The following CCR6 variants were observed in gnomAD, a reference collection of about 807,000 sequenced individuals.
CCR6 encodes the protein C-C chemokine receptor type 6.
CCR6 carries 2 observed loss-of-function variants against 3.0 expected under a neutral mutation model. That is an observed-to-expected ratio of 0.66 (90% CI 0.27 to 2.07). The LOEUF (loss-of-function observed/expected upper bound fraction) is 2.07. CCR6 is among the 30% of genes most tolerant of loss of function. CCR6 has a pLI of 0.14. For missense variants in CCR6, 322 were observed against 462.8 expected (o/e 0.70, Z 2.79); for synonymous variants, 193 against 184.3 (o/e 1.05, Z -0.38).
chr6:167,120,235 G>A (rs1367490365), upstream of CCR6, among the ~76,000 whole-genome samples: 1 of 152,142 alleles, frequency 6.6e-6, no homozygotes, highest in East Asian at 1.9e-4. Flanking sequence ...CGATTGGGCT[G>A]GGGGACTCCC....
Position 167,136,205 on chromosome 6 carries a change from C to T in CCR6, c.10-35C>T, listed in dbSNP as rs372109980. The T allele has an allele frequency of 6.2e-7, 1 of 1,610,372 alleles. No individual in the cohort carries two copies. The highest frequency in any genetic ancestry group is 1.3e-5 in the African/African-American group (1 of 74,928). On this transcript the variant is annotated intron_variant, in intron 2 of 2. Transcript: ENST00000341935. This position sits in a 1 kb window ranked among gnomAD's most constrained non-coding sequence, Gnocchi z 4.6. Reference sequence around the variant, plus strand: ...GTTCACTGTGGCTACTTGAACACTACACTGCAGCTAACTCTATCTTTGTTT... The same window carrying T: ...GTTCACTGTGGCTACTTGAACACTATACTGCAGCTAACTCTATCTTTGTTT...
chr6:167,134,300 G>A (rs995436632), intron 1 of CCR6, among the ~76,000 whole-genome samples: 1 of 152,132 alleles, frequency 6.6e-6, no homozygotes, highest in South Asian at 2.1e-4. Context: ...CGATTACCTC[G>A]TCACATGCTT....
intron 1 of CCR6, chr6:167,131,557 T>TC (rs1781767147): frequency 6.5e-6 from 1 of 152,748 alleles, no homozygotes; most frequent in African/African-American, 2.4e-5. Context: ...CAGCGACCGC[T>TC]CCCCACAGCC....
intron 1 of CCR6, among the ~76,000 whole-genome samples, chr6:167,133,932 G>GTGTATCTATATATATATATA (rs1183741225): frequency 9.1e-6 from 1 of 110,340 alleles, no homozygotes; most frequent in Non-Finnish European, 1.7e-5. Flanking sequence ...ATATATGTGT[G>GTGTATCTATATATATATATA]TATATATATA....
chr6:167,128,079 G>T (rs189713637), intron 1 of CCR6, among the ~76,000 whole-genome samples: 1 of 152,118 alleles, frequency 6.6e-6, no homozygotes, highest in African/African-American at 2.4e-5. Context: ...TTCTTCTCCC[G>T]TCTCCAGGGA....
intron 1 of CCR6, among the ~76,000 whole-genome samples, chr6:167,127,650 A>G (rs185401075): frequency 2.6e-5 from 4 of 152,322 alleles, no homozygotes; most frequent in East Asian, 1.9e-4. Context: ...CCTAATGTCA[A>G]ACTTTACTAA....
At position 167,136,435 on chromosome 6, in the gene CCR6, A is replaced by G; in HGVS notation, c.205A>G (p.Ile69Val). Residue 69 changes from isoleucine to valine, a missense_variant, in exon 3 of 3, where the codon ATC becomes GTC. By Grantham distance (29) the Ile-to-Val change is conservative. Transcript: ENST00000341935. This position sits in a 1 kb window ranked among gnomAD's most constrained non-coding sequence, Gnocchi z 4.6. The stretch of plus-strand genomic sequence containing the variant: ...CCTCCTGGGGAATATTCTGGTGGTG[A>G]TCACCTTTGCTTTTTATAAGAAGGC... ...FGLLGNILVV[I>V]TFAFYKKARS... is the part of the protein sequence containing the mutation. The G allele has an allele frequency of 6.2e-7, 1 of 1,611,780 alleles. No homozygotes were observed. Among genetic ancestry groups the G allele is most frequent in the Non-Finnish European group, 8.5e-7 (1 of 1,179,156 alleles).
intron 1 of CCR6, among the ~76,000 whole-genome samples, chr6:167,123,446 C>T (rs1781618309): frequency 6.6e-6 from 1 of 152,146 alleles, no homozygotes; most frequent in Admixed American, 6.5e-5. Flanking sequence ...ATTTCATACT[C>T]GCTCCCTGCA....
At chr6:167,135,916 G>A (rs1212048197) in intron 1 of CCR6, 122 bp from the exon 2 acceptor site, 2 of 530,604 alleles carry the variant, frequency 3.8e-6, no homozygotes, top group Non-Finnish European at 6.6e-6. Flanking sequence ...ATGAATATTT[G>A]TATGTAAAAT....
chr6:167,137,516 T>G lies in CCR6; in HGVS notation c.*161T>G. The G allele has an allele frequency of 1.5e-6, 1 of 662,806 alleles. No homozygotes were observed. 41.1% of individuals were successfully genotyped at this position (662,806 alleles called of 1,614,324 possible). ...ACGTGCTCATGGGCTGTGTGATCTC[T>G]TCAGGGTGGGGTGGTCTCTGATAGG... On this transcript the variant is annotated 3_prime_UTR_variant, in exon 3 of 3. Transcript: ENST00000341935. The surrounding 1 kb of genome is among the most constrained non-coding windows in gnomAD (Gnocchi z 4.6).
At chr6:167,120,644 T>C (rs1451102115), upstream of CCR6, among the ~76,000 whole-genome samples, 5 of 152,222 alleles carry the variant, frequency 3.3e-5, no homozygotes, top group Admixed American at 2.0e-4. Context: ...CTTATGACTG[T>C]TATCTGAATT....
At chr6:167,133,874 C>T (rs1781805598) in intron 1 of CCR6, among the ~76,000 whole-genome samples, 1 of 136,648 alleles carries the variant, frequency 7.3e-6, no homozygotes, top group Non-Finnish European at 1.6e-5. Context: ...AAGTATTTTA[C>T]ATTTTATGAT....
At chr6:167,117,124 G>C (rs1053272356) in intron 1 of CCR6, 2 of 152,268 alleles carry the variant, frequency 1.3e-5, no homozygotes, top group South Asian at 2.1e-4. Context: ...CAGAGTTCAG[G>C]GTGCTTAGAT....
At chr6:167,123,437 T>C (rs1319968313) in intron 1 of CCR6, among the ~76,000 whole-genome samples, 1 of 152,214 alleles carries the variant, frequency 6.6e-6, no homozygotes, top group African/African-American at 2.4e-5. Context: ...TAGTAAGGGA[T>C]TTCATACTCG....
At chr6:167,132,018 C>T (rs549975905) in intron 1 of CCR6, among the ~76,000 whole-genome samples, 15 of 152,258 alleles carry the variant, frequency 9.9e-5, no homozygotes, top group African/African-American at 3.1e-4. Context: ...GATGACAATC[C>T]CTGATTTCAT....
chr6:167,117,408 TTTTTTTC>T, intron 1 of CCR6, among the ~76,000 whole-genome samples: 1 of 132,362 alleles, frequency 7.6e-6, no homozygotes, highest in Non-Finnish European at 1.6e-5. Flanking sequence ...ATTTTCTTTT[TTTTTTTC>T]TTTTTTTTTT....
upstream of CCR6, among the ~76,000 whole-genome samples, chr6:167,119,791 T>C (rs1231337101): frequency 6.6e-6 from 1 of 152,210 alleles, no homozygotes; most frequent in Non-Finnish European, 1.5e-5. Flanking sequence ...AAGATATAGA[T>C]CCAAACCACA....
At chr6:167,134,146 G>A (rs1376848587) in intron 1 of CCR6, among the ~76,000 whole-genome samples, 5 of 151,708 alleles carry the variant, frequency 3.3e-5, no homozygotes, top group African/African-American at 9.7e-5. Context: ...GCCTAGTGCC[G>A]AGGTCTGAAA....
At chr6:167,118,733 G>A (rs1562555266), upstream of CCR6, among the ~76,000 whole-genome samples, 1 of 152,152 alleles carries the variant, frequency 6.6e-6, no homozygotes, top group East Asian at 1.9e-4. Context: ...GTATGAACTT[G>A]AGGAAGTTGC....
Sources: allele counts gnomAD v4.1 joint callset (sites outside exome capture counted in the v4.1 genomes callset), GRCh38; gene constraint gnomAD v4.1.1; non-coding constraint Gnocchi (gnomAD v3.1); transcripts MANE v1.5; gene names NCBI Gene and HGNC (gene_info 2026-07-23, HGNC 2026-07-21).